The following TARBP1 variants were observed in gnomAD, a reference collection of about 807,000 sequenced individuals.
TARBP1 encodes tRNA (guanosine(18)-2'-O)-methyltransferase TARBP1.
TARBP1 carries 144 observed loss-of-function variants against 178.6 expected under a neutral mutation model. The observed-to-expected ratio is 0.81, with a 90% confidence interval of 0.70 to 0.93. The LOEUF is 0.93. Among genes scored for constraint, TARBP1 ranks in the 40% least tolerant of loss-of-function variants. The probability of loss-of-function intolerance (pLI) is 0.00; values close to 1 mark genes in which losing one functional copy is unlikely to be tolerated. For synonymous variants in TARBP1, 787 were observed against 781.0 expected (o/e 1.01, Z -0.13); for missense variants, 2,067 against 2,011.7 (o/e 1.03, Z -0.53).
At chr1:234,424,213 C>G (rs1572276175) in intron 20 of TARBP1, among the ~76,000 whole-genome samples, 1 of 152,198 alleles carries the variant, frequency 6.6e-6, no homozygotes, top group African/African-American at 2.4e-5. Context: ...AGAAAGCAGA[C>G]CAGGCACTCC....
chr1:234,477,745 G>A (rs1296922202), intron 1 of TARBP1, among the ~76,000 whole-genome samples: 11 of 151,960 alleles, frequency 7.2e-5, no homozygotes, highest in Non-Finnish European at 1.2e-4. Flanking sequence ...CCTCTATGAC[G>A]CTTAATTCTA....
Position 234,478,234 on chromosome 1 carries a change from C to T in TARBP1, c.870G>A (p.Arg290=). The change falls in exon 1 of 30, where the codon AGG becomes AGA. Residue 290 remains arginine (R), a synonymous_variant. Coordinates refer to ENST00000040877, the MANE Select transcript of TARBP1 (RefSeq NM_005646.4). The part of the protein sequence containing the change: ...TRKRARYLLQ[R]AVEVSAELGA... ...CCAGCTCCGCCGACACCTCCACCGC[C>T]CTCTGCAGCAGGTAGCGCGCTCGCT... 2.5e-6 allele frequency: 4 copies of T among 1,611,566 alleles called. No homozygotes were observed. The highest frequency in any genetic ancestry group is 3.4e-6 in the Non-Finnish European group (4 of 1,179,484).
chr1:234,429,777 GC>G, intron 15 of TARBP1, 100 bp from the exon 16 acceptor site: 1 of 1,008,250 alleles, frequency 9.9e-7, no homozygotes, highest in Non-Finnish European at 1.4e-6. Context: ...GGGGGGGGGG[GC>G]AGTGTACAGA....
chr1:234,455,724 A>G (rs1404414761), intron 9 of TARBP1, among the ~76,000 whole-genome samples: 1 of 152,202 alleles, frequency 6.6e-6, no homozygotes, highest in East Asian at 1.9e-4. Context: ...ACGTAAATTC[A>G]TTACCCATTC....
chr1:234,395,879 A>T (rs1250373465), intron 26 of TARBP1, among the ~76,000 whole-genome samples: 1 of 152,174 alleles, frequency 6.6e-6, no homozygotes. Context: ...TATAGGTAAC[A>T]ATAATGTATG....
chr1:234,476,462 C>G (rs1368086832), intron 1 of TARBP1, among the ~76,000 whole-genome samples: 4 of 152,302 alleles, frequency 2.6e-5, no homozygotes, highest in South Asian at 2.1e-4. Context: ...CCTGCGACAT[C>G]TGGGCATGTA....
Position 234,397,970 on chromosome 1 carries a change from G to T in TARBP1, c.4243+412C>A, listed in dbSNP as rs184070773. On this transcript the variant is annotated intron_variant, in intron 26 of 29. Coordinates refer to ENST00000040877, the MANE Select transcript of TARBP1 (RefSeq NM_005646.4). ...AGCGGCGTCCAACCAACCAAGAGGG[G>T]ACTAGAATCAAGAGCTCTGCTTTAT... Among the ~76,000 whole-genome samples the T allele has an allele frequency of 1.9e-4, 28 of 151,338 alleles. 1 individual carries two copies. Among genetic ancestry groups the T allele is most frequent in the African/African-American group, 4.4e-4 (18 of 41,124 alleles).
intron 28 of TARBP1, 133 bp from the exon 29 acceptor site, chr1:234,392,685 A>C (rs1205679002): frequency 5.4e-6 from 4 of 742,376 alleles, no homozygotes; most frequent in Non-Finnish European, 8.2e-6. Context: ...CATTATAAAA[A>C]AGAACTCTCC....
At chr1:234,417,131 T>C (rs1382537673) in intron 22 of TARBP1, among the ~76,000 whole-genome samples, 1 of 152,226 alleles carries the variant, frequency 6.6e-6, no homozygotes, top group African/African-American at 2.4e-5. Context: ...AGAAAGGCTG[T>C]CTGCAGCTCA....
chr1:234,415,077 G>A (rs1398871545), intron 22 of TARBP1, among the ~76,000 whole-genome samples: 2 of 152,154 alleles, frequency 1.3e-5, no homozygotes, highest in Non-Finnish European at 2.9e-5. Context: ...ATAGTAGAGA[G>A]CCAGGGTGAT....
intron 3 of TARBP1, 73 bp downstream of exon 3, chr1:234,471,115 G>A: frequency 8.9e-7 from 1 of 1,129,670 alleles, no homozygotes; most frequent in South Asian, 1.4e-5. Flanking sequence ...TCTCTACAAT[G>A]AACAGGAATT....
Position 234,463,879 on chromosome 1 carries a change from A to G in TARBP1, c.1357T>C (p.Phe453Leu). 6.3e-7 allele frequency: 1 copy of G among 1,598,476 alleles called. No individual in the cohort carries two copies. The highest frequency in any genetic ancestry group is 2.3e-5 in the East Asian group (1 of 44,180). ...CSPLGLKLQK[F>L]LVTYISLLPE... ...AGAAGAGAAATATAAGTGACTAAAA[A>G]CTTCTGTAATTTCAGTCCCAATGGA... The change falls in exon 6 of 30, where the codon TTT becomes CTT. Residue 453 changes from phenylalanine (F) to leucine (L), a missense_variant. By Grantham distance (22) the Phe-to-Leu change is conservative. Coordinates refer to ENST00000040877, the MANE Select transcript of TARBP1 (RefSeq NM_005646.4).
intron 14 of TARBP1, among the ~76,000 whole-genome samples, chr1:234,431,988 T>C (rs1664474898): frequency 6.6e-6 from 1 of 151,978 alleles, no homozygotes; most frequent in Non-Finnish European, 1.5e-5. Context: ...CACACAAAAA[T>C]TAGCCAGGCA....
intron 12 of TARBP1, among the ~76,000 whole-genome samples, chr1:234,445,364 T>C (rs751004262): frequency 7.2e-5 from 11 of 152,198 alleles, no homozygotes; most frequent in Non-Finnish European, 1.6e-4. Flanking sequence ...TGACTTTAAA[T>C]ACCACCTGTA....
At chr1:234,394,253 T>A (rs1222382546) in intron 26 of TARBP1, among the ~76,000 whole-genome samples, 1 of 152,228 alleles carries the variant, frequency 6.6e-6, no homozygotes, top group Non-Finnish European at 1.5e-5. Flanking sequence ...AGACTATTTC[T>A]GAAAACAATA....
rs141689634 is a variant in TARBP1, at chr1:234,428,135, A to C, written c.3061-369T>G. 5.7e-3 allele frequency among the ~76,000 whole-genome samples: 867 copies of C among 152,290 alleles called. 2 individuals carry two copies. The highest frequency in any genetic ancestry group is 0.019 in the African/African-American group (807 of 41,540). ...CAAAGACCAGCGTCTCTAACTATGT[A>C]CTGTGGGGCAGAAAAGGACCAAGAA... On this transcript the variant is annotated intron_variant, in intron 17 of 29. Transcript: ENST00000040877.
Position 234,429,429 on chromosome 1 carries a change from A to T in TARBP1, c.2858T>A (p.Val953Glu). 11 of 1,610,656 alleles carry T rather than the reference A, an allele frequency of 6.8e-6. No homozygotes were observed. The highest frequency in any genetic ancestry group is 9.3e-6 in the Non-Finnish European group (11 of 1,178,900). ...ACTCTATCTTACCTTGGGAACCAAC[A>T]CTTTCAAGCAATGGAACACTGGTAA... ...QVLPVFHCLK[V>E]LVPKLLTSSE... Residue 953 changes from valine to glutamate, a missense_variant, in exon 16 of 30, where the codon GTG becomes GAG. Coordinates refer to ENST00000040877, the MANE Select transcript of TARBP1 (RefSeq NM_005646.4).
intron 12 of TARBP1, among the ~76,000 whole-genome samples, chr1:234,445,685 T>C (rs952613916): frequency 6.6e-6 from 1 of 152,212 alleles, no homozygotes; most frequent in African/African-American, 2.4e-5. Flanking sequence ...CTAAAATTCA[T>C]GGACGTAATA....
At chr1:234,477,252 T>C (rs1277994342) in intron 1 of TARBP1, among the ~76,000 whole-genome samples, 2 of 152,208 alleles carry the variant, frequency 1.3e-5, no homozygotes, top group Non-Finnish European at 2.9e-5. Flanking sequence ...GTTTTAATTT[T>C]TGATGATTTA....
Sources: allele counts gnomAD v4.1 joint callset (sites outside exome capture counted in the v4.1 genomes callset), GRCh38; gene constraint gnomAD v4.1.1; transcripts MANE v1.5; gene names NCBI Gene and HGNC (gene_info 2026-07-23, HGNC 2026-07-21).